LMOD3: variants seen among roughly 807,000 people sequenced by gnomAD.
LMOD3 encodes leiomodin-3.
Under a neutral mutation model 41.8 loss-of-function variants are expected in LMOD3, and 31 were observed. The observed-to-expected ratio is 0.74, with a 90% CI of 0.56 to 1.00. The LOEUF is 1.00. Ranked by LOEUF, LMOD3 falls within the 50% of genes least tolerant of loss-of-function variation. The pLI is 0.00. For missense variants in LMOD3, 755 were observed against 679.5 expected (o/e 1.11, Z -1.23); for synonymous variants, 292 against 241.9 (o/e 1.21, Z -1.92).
At chr3:69,120,809 A>G (rs2092403892) in intron 1 of LMOD3, among the ~76,000 whole-genome samples, 1 of 152,148 alleles carries the variant, frequency 6.6e-6, no homozygotes, top group African/African-American at 2.4e-5. Context: ...TTATGCAGAC[A>G]TTGAGAAATA....
chr3:69,106,190 CTTTA>C lies in LMOD3; in HGVS notation c.*2901_*2904del, dbSNP rs2092321836. On this transcript the variant is annotated 3_prime_UTR_variant, in exon 3 of 3. Transcript: ENST00000420581. ...AATACTGTTTAGTAAAGCTTGAATA[CTTTA>C]TTAACTTGCAGCCAGAATAAAACAA... 6.6e-6 allele frequency: 1 copy of C among 152,320 alleles called. No homozygotes were observed. Among genetic ancestry groups the C allele is most frequent in the Non-Finnish European group, 1.5e-5 (1 of 68,034 alleles). The allele number at this position is 152,320 out of a possible 1,614,324, so 9.4% of individuals were successfully genotyped here.
chr3:69,121,882 G>C (rs1024470053), intron 1 of LMOD3, among the ~76,000 whole-genome samples: 3 of 152,168 alleles, frequency 2.0e-5, no homozygotes, highest in African/African-American at 4.8e-5. Context: ...AGAGACATTT[G>C]CAAGAAATTA....
rs183737279 is a variant in LMOD3 at position 69,106,345 on chromosome 3, G to A, written c.*2750C>T. ...TCTGCCGATAAAATCCAATAAATTT[G>A]GAGAAACTAATAAAAAAAAAGATAC... On this transcript the variant is annotated 3_prime_UTR_variant, in exon 3 of 3. Transcript: ENST00000420581. 1.3e-5 allele frequency among the ~76,000 whole-genome samples: 2 copies of A among 151,788 alleles called. No homozygotes were observed. Among genetic ancestry groups the A allele is most frequent in the Admixed American group, 1.3e-4 (2 of 15,228 alleles).
Position 69,106,779 on chromosome 3 carries a change from A to T in LMOD3, c.*2316T>A, listed in dbSNP as rs1458366238. 1 of 141,032 alleles carries T rather than the reference A, an allele frequency of 7.1e-6. No individual in the cohort carries two copies. The highest frequency in any genetic ancestry group is 1.5e-5 in the Non-Finnish European group (1 of 66,172). 8.7% of individuals were successfully genotyped at this position (141,032 alleles called of 1,614,324 possible). A position where few individuals can be genotyped will look rare whatever the true frequency, so the allele number is the denominator to read the frequency against. ...GCAATCTCAGCTCACTGCAACCTCC[A>T]CCTCCCATGTTCAGGTGATTCTCCT... On this transcript the variant is annotated 3_prime_UTR_variant, in exon 3 of 3. Coordinates refer to ENST00000420581, the MANE Select transcript of LMOD3 (RefSeq NM_198271.5).
At chr3:69,110,240 A>AT (rs1394391896) in intron 2 of LMOD3, among the ~76,000 whole-genome samples, 7 of 151,032 alleles carry the variant, frequency 4.6e-5, no homozygotes, top group Admixed American at 4.0e-4. Context: ...TTTTTATTTT[A>AT]TTTTTTTTAG....
chr3:69,118,740 G>C lies in LMOD3; in HGVS notation c.1615C>G (p.Leu539Val). The C allele has an allele frequency of 2.5e-6, 4 of 1,612,786 alleles. No homozygotes were observed. The highest frequency in any genetic ancestry group is 3.4e-6 in the Non-Finnish European group (4 of 1,179,664). The change falls in exon 2 of 3, where the codon CTA becomes GTA. Residue 539 changes from leucine (L) to valine (V), a missense_variant. Coordinates refer to ENST00000420581, the MANE Select transcript of LMOD3 (RefSeq NM_198271.5). ...ACACTGCTGTGACGAATGTCGTTTA[G>C]CAGCTGATCTCTGGGAGTGATTTCC... ...LVEITPRDQL[L>V]NDIRHSSVAY... is the part of the protein sequence containing the mutation.
chr3:69,118,802 A>C lies in LMOD3; in HGVS notation c.1553T>G (p.Leu518Arg). The change falls in exon 2 of 3, where the codon CTC (leucine) becomes CGC (arginine). Residue 518 changes from leucine (L) to arginine (R), a missense_variant. Leu to Arg is a moderately radical substitution (Grantham distance 102, BLOSUM62 -2). Transcript: ENST00000420581. Reference sequence around the variant, plus strand: ...TGGCCTGTTTCTCGGCACTGGCTTGAGCGTTTTGATGACATCTTTGAGGTT... The same window carrying C: ...TGGCCTGTTTCTCGGCACTGGCTTGCGCGTTTTGATGACATCTTTGAGGTT... ...KTNLKDVIKTLKPVPRNRPPP... is the reference protein window; with the variant it reads ...KTNLKDVIKTRKPVPRNRPPP... 2 of 1,608,120 alleles carry C rather than the reference A, an allele frequency of 1.2e-6. No individual in the cohort carries two copies. Among genetic ancestry groups the C allele is most frequent in the Non-Finnish European group, 1.7e-6 (2 of 1,178,210 alleles).
Position 69,108,000 on chromosome 3 carries a change from T to C in LMOD3, c.*1095A>G, listed in dbSNP as rs925710923. 4 of 152,136 alleles carry C rather than the reference T, an allele frequency of 2.6e-5. No homozygotes were observed. Among genetic ancestry groups the C allele is most frequent in the African/African-American group, 9.6e-5 (4 of 41,452 alleles). The allele number at this position is 152,136 out of a possible 1,614,324, so 9.4% of individuals were successfully genotyped here. ...ATTAATGGAGAACAGGAGGGAAGTC[T>C]CTTGGAAGGATTAATGCGAGCAAAG... On this transcript the variant is annotated 3_prime_UTR_variant, in exon 3 of 3. Coordinates refer to ENST00000420581, the MANE Select transcript of LMOD3 (RefSeq NM_198271.5).
chr3:69,110,617 C>T lies in LMOD3; in HGVS notation c.1657-1496G>A, dbSNP rs1482475424. Among the ~76,000 whole-genome samples the T allele has an allele frequency of 1.4e-4, 21 of 147,812 alleles. No individual in the cohort carries two copies. The East Asian group carries it at 2.4e-3, about 17-fold the overall frequency. On this transcript the variant is annotated intron_variant, in intron 2 of 2. Coordinates refer to ENST00000420581, the MANE Select transcript of LMOD3 (RefSeq NM_198271.5). ...CAGCACTTTGGGAGGCCGAGGTGGG[C>T]GGTTCTCCTGAGGTCAGGAGTTCAA...
At chr3:69,115,701 T>C (rs2092369120) in intron 2 of LMOD3, among the ~76,000 whole-genome samples, 2 of 152,200 alleles carry the variant, frequency 1.3e-5, no homozygotes, top group South Asian at 4.1e-4. Context: ...CTCTATCAAG[T>C]GAACATTGTC....
intron 2 of LMOD3, among the ~76,000 whole-genome samples, chr3:69,111,248 C>T (rs2092348651): frequency 6.6e-6 from 1 of 152,168 alleles, no homozygotes; most frequent in African/African-American, 2.4e-5. Flanking sequence ...CAATATTCTG[C>T]CCACCAGAGA....
At chr3:69,117,941 C>T (rs927521565) in intron 2 of LMOD3, among the ~76,000 whole-genome samples, 2 of 151,730 alleles carry the variant, frequency 1.3e-5, no homozygotes, top group African/African-American at 4.8e-5. Flanking sequence ...AAGTGACTCT[C>T]CTGCCTCAGC....
Position 69,108,858 on chromosome 3 carries a change from G to A in LMOD3, c.*237C>T, listed in dbSNP as rs1379546969. On this transcript the variant is annotated 3_prime_UTR_variant, in exon 3 of 3. Transcript: ENST00000420581. ...TTCACCTGAGTCACTCAAATTGATT[G>A]CAAGTAGAAAATATTGCCTCTAAAT... 4 of 390,628 alleles carry A rather than the reference G, an allele frequency of 1.0e-5. No individual in the cohort carries two copies. In the East Asian group the frequency reaches 1.2e-4, roughly 12 times the overall value. 24.2% of individuals were successfully genotyped at this position (390,628 alleles called of 1,614,324 possible). A position where few individuals can be genotyped will look rare whatever the true frequency, so the allele number is the denominator to read the frequency against.
At chr3:69,120,597 G>A (rs1461617838) in intron 1 of LMOD3, among the ~76,000 whole-genome samples, 1 of 148,428 alleles carries the variant, frequency 6.7e-6, no homozygotes, top group Non-Finnish European at 1.5e-5. Context: ...TTGACATTTT[G>A]GAATATATAT....
In LMOD3 at chr3:69,110,838, CAA is replaced by C. The variant is rs774402446; in HGVS notation, c.1657-1719_1657-1718del. On this transcript the variant is annotated intron_variant, in intron 2 of 2. Transcript: ENST00000420581. ...AGCCTGGGCAACAGAGACACCATCT[CAA>C]AAAAAAAAAAAAAATATATATATAT... 6.6e-3 allele frequency among the ~76,000 whole-genome samples: 443 copies of C among 66,990 alleles called. 11 individuals carry two copies. Among genetic ancestry groups the C allele is most frequent in the African/African-American group, 0.032 (386 of 12,150 alleles). 43.9% of individuals were successfully genotyped at this position (66,990 alleles called of 152,430 possible). A position where few individuals can be genotyped will look rare whatever the true frequency, so the allele number is the denominator to read the frequency against.
chr3:69,118,599 T>C, intron 2 of LMOD3, 100 bp downstream of exon 2: 3 of 1,363,162 alleles, frequency 2.2e-6, no homozygotes, highest in Non-Finnish European at 3.0e-6. Context: ...TTGGTCTCAA[T>C]TAGTGAGTAT....
rs1441018307 is a variant in LMOD3 at position 69,119,261 on chromosome 3, T to G, written c.1094A>C (p.Lys365Thr). 1 of 1,613,970 alleles carries G rather than the reference T, an allele frequency of 6.2e-7. No homozygotes were observed. The highest frequency in any genetic ancestry group is 8.5e-7 in the Non-Finnish European group (1 of 1,179,878). Residue 365 changes from lysine to threonine, a missense_variant, in exon 2 of 3, where the codon AAG (lysine) becomes ACG (threonine). Lys to Thr is a moderately conservative substitution (Grantham distance 78, BLOSUM62 -1). Coordinates refer to ENST00000420581, the MANE Select transcript of LMOD3 (RefSeq NM_198271.5). Reference protein sequence around the residue: ...HAEMEIARLLKANNTLLKMGY... With the variant: ...HAEMEIARLLTANNTLLKMGY... Reference sequence around the variant, plus strand: ...CATCTTCAGGAGAGTGTTGTTTGCCTTCAAAAGCCTGGCTATTTCCATTTC... The same window carrying G: ...CATCTTCAGGAGAGTGTTGTTTGCCGTCAAAAGCCTGGCTATTTCCATTTC...
At chr3:69,114,551 A>G (rs1278362199) in intron 2 of LMOD3, among the ~76,000 whole-genome samples, 1 of 152,240 alleles carries the variant, frequency 6.6e-6, no homozygotes, top group Non-Finnish European at 1.5e-5. Context: ...TCTGTCGCCC[A>G]GGCTGGAGTG....
intron 2 of LMOD3, among the ~76,000 whole-genome samples, chr3:69,116,363 G>A (rs2092373123): frequency 6.6e-6 from 1 of 152,240 alleles, no homozygotes; most frequent in South Asian, 2.1e-4. Flanking sequence ...GAAGGCAGGA[G>A]AAATTGCCAA....
Sources: allele counts gnomAD v4.1 joint callset (sites outside exome capture counted in the v4.1 genomes callset), GRCh38; gene constraint gnomAD v4.1.1; transcripts MANE v1.5; gene names NCBI Gene and HGNC (gene_info 2026-07-23, HGNC 2026-07-21).